Variants in ZNF174 observed in about 807,000 individuals in gnomAD.
The protein encoded by ZNF174 is zinc finger protein 174.
In ZNF174, 30 loss-of-function variants were observed where a neutral mutation model predicts 38.7. The observed-to-expected ratio is 0.78, with a 90% CI of 0.58 to 1.05. The LOEUF is 1.05. ZNF174 is among the 50% of genes least tolerant of loss of function. The pLI is 0.00. For missense variants in ZNF174, 499 were observed against 495.6 expected (o/e 1.01, Z -0.06); for synonymous variants, 201 against 181.7 (o/e 1.11, Z -0.86).
intron 2 of ZNF174, chr16:3,404,880 G>C (rs368315691): frequency 1.2e-6 from 2 of 1,611,994 alleles, no homozygotes; most frequent in African/African-American, 1.3e-5. Flanking sequence ...TGCATGACAG[G>C]GTTGTACCTA....
At position 3,408,697 on chromosome 16, in the gene ZNF174, C is replaced by G; in HGVS notation, c.1002C>G (p.Ser334Arg). The G allele has an allele frequency of 6.2e-7, 1 of 1,614,152 alleles. No individual in the cohort carries two copies. Among genetic ancestry groups the G allele is most frequent in the Non-Finnish European group, 8.5e-7 (1 of 1,180,026 alleles). ...KPYKCDDCGK[S>R]FTWNSELKRH... ...ACAAATGTGATGACTGTGGGAAAAG[C>G]TTCACGTGGAATTCAGAGCTGAAGA... is the stretch of plus-strand genomic sequence containing the variant. The change falls in exon 3 of 3, where the codon AGC (serine) becomes AGG (arginine). Residue 334 changes from serine to arginine, a missense_variant. Physicochemically the swap from Ser to Arg is moderately radical, Grantham distance 110. Coordinates refer to ENST00000268655, the MANE Select transcript of ZNF174 (RefSeq NM_003450.3).
rs1596256933 is a variant in ZNF174, at chr16:3,404,667, C to A, written c.625+19C>A. ...GGGACAGGTAAACACTCTGCCTTTTCTCTCCCTCTCATCAGCCCTTTATCT... is the reference window on the plus strand; with the variant it reads ...GGGACAGGTAAACACTCTGCCTTTTATCTCCCTCTCATCAGCCCTTTATCT... On this transcript the variant is annotated intron_variant, in intron 2 of 2. Coordinates refer to ENST00000268655, the MANE Select transcript of ZNF174 (RefSeq NM_003450.3). 1 of 1,613,464 alleles carries A rather than the reference C, an allele frequency of 6.2e-7. No homozygotes were observed. The highest frequency in any genetic ancestry group is 2.2e-5 in the East Asian group (1 of 44,890).
chr16:3,402,453 C>CTTTTTT (rs56903674), intron 1 of ZNF174, 47 bp downstream of exon 1: 44 of 1,300,538 alleles, frequency 3.4e-5, no homozygotes, highest in South Asian at 1.6e-4. Flanking sequence ...TTTTTCTTTT[C>CTTTTTT]TTTTTTTTTT....
intron 1 of ZNF174, 106 bp downstream of exon 1, chr16:3,402,512 G>A: frequency 8.6e-7 from 1 of 1,160,236 alleles, no homozygotes; most frequent in Non-Finnish European, 1.2e-6. Flanking sequence ...AGGCCCGAGT[G>A]CAGTGGCGCT....
At chr16:3,404,399 G>A in intron 1 of ZNF174, 27 bp from the exon 2 acceptor site, 1 of 1,573,510 alleles carries the variant, frequency 6.4e-7, no homozygotes, top group South Asian at 1.2e-5. Context: ...CTGATGGATG[G>A]AATTAATGGA....
intron 1 of ZNF174, among the ~76,000 whole-genome samples, chr16:3,403,579 A>G (rs543959637): frequency 6.7e-6 from 1 of 149,918 alleles, no homozygotes; most frequent in East Asian, 2.0e-4. Flanking sequence ...CTCCATGTCC[A>G]GCTCAAGTGT....
At chr16:3,407,453 T>C (rs972389593) in intron 2 of ZNF174, among the ~76,000 whole-genome samples, 5 of 152,204 alleles carry the variant, frequency 3.3e-5, no homozygotes, top group Admixed American at 6.5e-5. Flanking sequence ...CAAAAAGCAA[T>C]TGACCCTGAT....
intron 2 of ZNF174, among the ~76,000 whole-genome samples, chr16:3,406,191 G>A (rs866212215): frequency 6.6e-6 from 1 of 152,238 alleles, no homozygotes; most frequent in Middle Eastern, 3.4e-3. Flanking sequence ...GTTCATGTTG[G>A]TTCATCTGTT....
At position 3,408,730 on chromosome 16, in the gene ZNF174, G is replaced by T. The variant is rs1286970451; in HGVS notation, c.1035G>T (p.Lys345Asn). ...GGAATTCAGAGCTGAAGAGACACAA[G>T]AGAGTCCACACAGGAGAGAGACCCT... ...FTWNSELKRH[K>N]RVHTGERPYT... The change falls in exon 3 of 3, where the codon AAG (lysine) becomes AAT (asparagine). Residue 345 changes from lysine (K) to asparagine (N), a missense_variant. Physicochemically the swap from Lys to Asn is moderately conservative, Grantham distance 94. Transcript: ENST00000268655. 1.2e-6 allele frequency: 2 copies of T among 1,614,152 alleles called. No individual in the cohort carries two copies. The highest frequency in any genetic ancestry group is 2.7e-5 in the African/African-American group (2 of 75,030).
In ZNF174 at chr16:3,409,090, C is replaced by T. The variant is rs1393087787; in HGVS notation, c.*171C>T. The T allele has an allele frequency of 1.1e-5, 8 of 697,852 alleles. No homozygotes were observed. The highest frequency in any genetic ancestry group is 1.9e-5 in the Non-Finnish European group (8 of 418,152). 43.2% of individuals were successfully genotyped at this position (697,852 alleles called of 1,614,324 possible). On this transcript the variant is annotated 3_prime_UTR_variant, in exon 3 of 3. Transcript: ENST00000268655. Reference sequence around the variant, plus strand: ...GGCCCAGAAAAGGCCAACCAGGGCCCAACCGTGCATGATGACAGGGTGAAG... The same window carrying T: ...GGCCCAGAAAAGGCCAACCAGGGCCTAACCGTGCATGATGACAGGGTGAAG...
Position 3,404,544 on chromosome 16 carries a change from C to T in ZNF174, c.521C>T (p.Ser174Phe). Reference sequence around the variant, plus strand: ...CCTAGGAGAGATCTCAGGGAGAGCTCTCCAGCAGAGCCTTCCCAGGCAGGA... The same window carrying T: ...CCTAGGAGAGATCTCAGGGAGAGCTTTCCAGCAGAGCCTTCCCAGGCAGGA... ...QTPRRDLRES[S>F]PAEPSQAGAY... The change falls in exon 2 of 3, where the codon TCT (serine) becomes TTT (phenylalanine). Residue 174 changes from serine (S) to phenylalanine (F), a missense_variant. Transcript: ENST00000268655. The T allele has an allele frequency of 6.2e-7, 1 of 1,614,196 alleles. No individual in the cohort carries two copies. The highest frequency in any genetic ancestry group is 2.2e-5 in the East Asian group (1 of 44,876).
At chr16:3,407,611 G>A (rs778795154) in intron 2 of ZNF174, among the ~76,000 whole-genome samples, 28 of 152,272 alleles carry the variant, frequency 1.8e-4, no homozygotes, top group South Asian at 4.1e-4. Context: ...ATTGAACAAC[G>A]TGCATGTGCC....
chr16:3,402,180 G>C lies in ZNF174; in HGVS notation c.176G>C (p.Gly59Ala), dbSNP rs1008023258. The C allele has an allele frequency of 3.7e-6, 6 of 1,612,994 alleles. No homozygotes were observed. Among genetic ancestry groups the C allele is most frequent in the Non-Finnish European group, 5.1e-6 (6 of 1,179,054 alleles). Residue 59 changes from glycine to alanine, a missense_variant, in exon 1 of 3, where the codon GGA (glycine) becomes GCA (alanine). Physicochemically the swap from Gly to Ala is moderately conservative, Grantham distance 60. Coordinates refer to ENST00000268655, the MANE Select transcript of ZNF174 (RefSeq NM_003450.3). ...CGCTTTTGTTATCAAGAGGTGTCTG[G>C]ACCCCAAGAGGCTCTCTCCCAGCTC... ...FRRFCYQEVS[G>A]PQEALSQLRQ...
Position 3,408,743 on chromosome 16 carries a change from GGA to G in ZNF174, c.1055_1056del (p.Arg352ThrfsTer97). On this transcript the variant is annotated frameshift_variant, in exon 3 of 3. Transcript: ENST00000268655. LOFTEE classifies it high-confidence loss of function. The stretch of plus-strand genomic sequence containing the variant: ...GAAGAGACACAAGAGAGTCCACACA[GGA>G]GAGAGACCCTACACGTGCGGAGAGT... Reference protein sequence around the residue: ...ELKRHKRVHTGERPYTCGECG... With the variant: ...ELKRHKRVHTXERPYTCGECG... 3 of 1,614,156 alleles carry G rather than the reference GGA, an allele frequency of 1.9e-6. No homozygotes were observed. Among genetic ancestry groups the G allele is most frequent in the Non-Finnish European group, 2.5e-6 (3 of 1,180,032 alleles).
chr16:3,404,920 G>T (rs1245390683), intron 2 of ZNF174: 91 of 1,613,966 alleles, frequency 5.6e-5, no homozygotes, highest in Non-Finnish European at 7.6e-5. Flanking sequence ...ACTTCTTATA[G>T]AAAAGACAGA....
chr16:3,408,887 C>T lies in ZNF174; in HGVS notation c.1192C>T (p.His398Tyr). 1.2e-6 allele frequency: 2 copies of T among 1,612,120 alleles called. No homozygotes were observed. The highest frequency in any genetic ancestry group is 1.7e-6 in the Non-Finnish European group (2 of 1,178,560). Reference protein sequence around the residue: ...GKSFRQSSNLHQHHRLHHGD With the variant: ...GKSFRQSSNLYQHHRLHHGD The stretch of plus-strand genomic sequence containing the variant: ...AAGCTTTCGCCAGAGCTCAAACCTT[C>T]ACCAGCATCACCGACTTCACCATGG... The change falls in exon 3 of 3, where the codon CAC becomes TAC. Residue 398 changes from histidine to tyrosine, a missense_variant. Transcript: ENST00000268655.
rs572713141 is a variant in ZNF174, at chr16:3,403,959, A to AC, written c.403-463dup. Among the ~76,000 whole-genome samples, 29 of 152,078 alleles carry AC rather than the reference A, an allele frequency of 1.9e-4. No individual in the cohort carries two copies. The East Asian group carries it at 5.6e-3, about 29-fold the overall frequency. On this transcript the variant is annotated intron_variant, in intron 1 of 2. Transcript: ENST00000268655. Reference sequence around the variant, plus strand: ...AATGAAGGTGGGGTGGTCCTCTTAGACCCCTACTACTACTGGGATCTCCTT... The same window carrying AC: ...AATGAAGGTGGGGTGGTCCTCTTAGACCCCCTACTACTACTGGGATCTCCTT...
chr16:3,402,331 A>G lies in ZNF174; in HGVS notation c.327A>G (p.Arg109=). The G allele has an allele frequency of 6.2e-7, 1 of 1,614,030 alleles. No individual in the cohort carries two copies. Among genetic ancestry groups the G allele is most frequent in the Non-Finnish European group, 8.5e-7 (1 of 1,180,006 alleles). ...AGATCCAGGCTCGGGTCAGGCATCGATGTCCAATGAGCAGCAAGGAGATTG... is the reference window on the plus strand; with the variant it reads ...AGATCCAGGCTCGGGTCAGGCATCGGTGTCCAATGAGCAGCAAGGAGATTG... ...PPEIQARVRH[R]CPMSSKEIVT... Residue 109 remains arginine, a synonymous_variant, in exon 1 of 3, where the codon CGA becomes CGG. Transcript: ENST00000268655.
intron 2 of ZNF174, 100 bp downstream of exon 2, chr16:3,404,748 T>A (rs775816773): frequency 3.9e-6 from 6 of 1,528,526 alleles, no homozygotes; most frequent in South Asian, 1.1e-5. Context: ...TGTGTTTTTT[T>A]AAATGTTATA....
Sources: gnomAD v4.1 joint callset for allele counts (sites outside exome capture counted in the v4.1 genomes callset) on GRCh38, gnomAD v4.1.1 for gene constraint, MANE v1.5 for transcripts, NCBI Gene and HGNC (gene_info 2026-07-23, HGNC 2026-07-21) for gene names.